Variants in PLXNB3 observed in about 807,000 individuals in gnomAD.
PLXNB3 encodes plexin-B3.
A neutral mutation model predicts 125.7 loss-of-function variants in PLXNB3; 80 were observed. The ratio of observed to expected loss-of-function variants is 0.64; its 90% CI spans 0.53 to 0.77. The LOEUF (loss-of-function observed/expected upper bound fraction) is 0.77. Ranked by LOEUF, PLXNB3 falls within the 30% of genes least tolerant of loss-of-function variation. The probability of loss-of-function intolerance (pLI) is 0.00; values close to 1 mark genes in which losing one functional copy is unlikely to be tolerated. For missense variants in PLXNB3, 1,836 were observed against 1,729.3 expected (o/e 1.06, Z -1.09); for synonymous variants, 954 against 783.3 (o/e 1.22, Z -3.64).
chrX:153,769,941 T>C lies in PLXNB3; in HGVS notation c.1629+2T>C, dbSNP rs1557060984. 8.3e-7 allele frequency: 1 copy of C among 1,204,892 alleles called. No individual in the cohort carries two copies. Among genetic ancestry groups the C allele is most frequent in the Non-Finnish European group, 1.1e-6 (1 of 892,410 alleles). On this transcript the variant is annotated splice_donor_variant, in intron 7 of 35. Transcript: ENST00000361971. LOFTEE classifies it high-confidence loss of function. ...CACCCCCGCCAGGAGCAGGGCCAGG[T>C]AAGCCGCCCACCACCACTGGGCCCT...
chrX:153,766,681 C>T, intron 2 of PLXNB3, 192 bp from the exon 3 acceptor site: 1 of 742,101 alleles, frequency 1.3e-6, no homozygotes, highest in Non-Finnish European at 1.6e-6. Flanking sequence ...GTCTTTGTCC[C>T]TCCTTATGTC....
At chrX:153,768,875 G>A (rs2091890385) in intron 4 of PLXNB3, 73 bp from the exon 5 acceptor site, 2 of 1,121,271 alleles carry the variant, frequency 1.8e-6, no homozygotes, top group Non-Finnish European at 2.4e-6. Flanking sequence ...GCCCCCACTA[G>A]GAGGAGGGCG....
chrX:153,775,485 C>A lies in PLXNB3; in HGVS notation c.4334+82C>A. The A allele has an allele frequency of 4.4e-6, 5 of 1,147,306 alleles. No individual in the cohort carries two copies. The South Asian group carries it at 7.7e-5, about 18-fold the overall frequency. The allele number at this position is 1,147,306 out of a possible 1,213,427, so 94.6% of individuals were successfully genotyped here. A position where few individuals can be genotyped will look rare whatever the true frequency, so the allele number is the denominator to read the frequency against. ...CATCGCACCCTGGGCGGGCTCTGTC[C>A]AGGGGCGGGTGGGGCCAGGAAGCCC... On this transcript the variant is annotated intron_variant, in intron 25 of 35. Coordinates refer to ENST00000361971, the MANE Select transcript of PLXNB3 (RefSeq NM_005393.3).
At chrX:153,773,173 G>A in intron 17 of PLXNB3, 57 bp from the exon 18 acceptor site, 1 of 1,134,870 alleles carries the variant, frequency 8.8e-7, no homozygotes, top group Admixed American at 2.6e-5. Context: ...GTTGGGCCAG[G>A]GCTGGGGTAG....
rs2091967322 is a variant in PLXNB3 at position 153,774,662 on chromosome X, TGCTGGCCCCGGCCCTGGCTGATGAA to T, written c.3831-32_3831-8del. 3.5e-6 allele frequency: 4 copies of T among 1,148,950 alleles called. No individual in the cohort carries two copies. Among genetic ancestry groups the T allele is most frequent in the South Asian group, 2.1e-5 (1 of 48,077 alleles). The allele number at this position is 1,148,950 out of a possible 1,213,427, so 94.7% of individuals were successfully genotyped here. On this transcript the variant is annotated intron_variant, in intron 22 of 35. Coordinates refer to ENST00000361971, the MANE Select transcript of PLXNB3 (RefSeq NM_005393.3). The stretch of plus-strand genomic sequence containing the variant: ...CTGGCCTGGCCCCGGCCCTGGCTGA[TGCTGGCCCCGGCCCTGGCTGATGAA>T]GCTGGCCCCGGGCTGCAGGCACAAG...
At chrX:153,771,233 G>C (rs947842946) in intron 12 of PLXNB3, 77 bp from the exon 13 acceptor site, 2 of 955,053 alleles carry the variant, frequency 2.1e-6, no homozygotes, top group East Asian at 3.1e-5. Flanking sequence ...CATTCATTCT[G>C]GGGGGTGGCC....
chrX:153,773,062 G>C (rs781823810), intron 17 of PLXNB3, 46 bp downstream of exon 17: 3 of 1,120,157 alleles, frequency 2.7e-6, no homozygotes, highest in East Asian at 6.1e-5. Context: ...ACTCCCATAG[G>C]CCTCAGTGGG....
rs2091882772 is a variant in PLXNB3, at chrX:153,768,313, C to A, written c.1151C>A (p.Pro384His). The change falls in exon 4 of 36, where the codon CCC (proline) becomes CAC (histidine). Residue 384 changes from proline (P) to histidine (H), a missense_variant. Physicochemically the swap from Pro to His is moderately conservative, Grantham distance 77 (BLOSUM62 -2). Transcript: ENST00000361971. The stretch of plus-strand genomic sequence containing the variant: ...CCCAGCCCCATTGCTGGCCGCCAGC[C>A]CCTGGAGGTCCAGCCTCTGCTGAAG... Reference protein sequence around the residue: ...HTPSPIAGRQPLEVQPLLKLG... With the variant: ...HTPSPIAGRQHLEVQPLLKLG... The A allele has an allele frequency of 9.1e-6, 11 of 1,208,631 alleles. No homozygotes were observed. Among genetic ancestry groups the A allele is most frequent in the Non-Finnish European group, 1.1e-5 (10 of 893,231 alleles).
At position 153,778,305 on chromosome X, in the gene PLXNB3, C is replaced by T; in HGVS notation, c.5454C>T (p.Arg1818=). ...NKLLYAREIP[R]YKQMVERYYA... ...TGCTCTACGCCCGGGAGATCCCACG[C>T]TACAAGCAGATGGTGGAGAGGTGGG... Residue 1818 remains arginine (R), a synonymous_variant, in exon 33 of 36, where the codon CGC becomes CGT. Transcript: ENST00000361971. 8.3e-7 allele frequency: 1 copy of T among 1,203,631 alleles called. No individual in the cohort carries two copies. Among genetic ancestry groups the T allele is most frequent in the Non-Finnish European group, 1.1e-6 (1 of 890,016 alleles).
In PLXNB3 at chrX:153,767,762, C is replaced by T. The variant is rs202085462; in HGVS notation, c.935C>T (p.Ala312Val). ...GCCGCGGGCCCAAGGGGCACCCAGGCGGCGCTCTGTGCCTTCCCCATGGTG... is the reference window on the plus strand; with the variant it reads ...GCCGCGGGCCCAAGGGGCACCCAGGTGGCGCTCTGTGCCTTCCCCATGGTG... Reference protein sequence around the residue: ...VFAAGPRGTQAALCAFPMVEL... With the variant: ...VFAAGPRGTQVALCAFPMVEL... Residue 312 changes from alanine (A) to valine (V), a missense_variant, in exon 3 of 36, where the codon GCG (alanine) becomes GTG (valine). Transcript: ENST00000361971. The T allele has an allele frequency of 8.9e-5, 104 of 1,171,239 alleles. No individual in the cohort carries two copies. The East Asian group carries it at 1.7e-3, about 19-fold the overall frequency.
At chrX:153,778,183 T>C in intron 32 of PLXNB3, 78 bp from the exon 33 acceptor site, 1 of 1,196,361 alleles carries the variant, frequency 8.4e-7, no homozygotes. Context: ...CACAGAGCTC[T>C]GGGTGGGCAG....
rs376014203 is a variant in PLXNB3 at position 153,769,007 on chromosome X, C to G, written c.1326C>G (p.Gly442=). 2.0e-5 allele frequency: 24 copies of G among 1,209,948 alleles called. No individual in the cohort carries two copies. Among genetic ancestry groups the G allele is most frequent in the Non-Finnish European group, 2.7e-5 (24 of 894,451 alleles). ...ACTCCCAGCAAGTGGGGCCTCCAGG[C>G]TCAGCCATCAGCCCAGACCTGCTGC... ...VYHSQQVGPP[G]SAISPDLLLD... Residue 442 remains glycine, a synonymous_variant, in exon 5 of 36, where the codon GGC becomes GGG. Transcript: ENST00000361971.
At position 153,774,272 on chromosome X, in the gene PLXNB3, C is replaced by G; in HGVS notation, c.3606C>G (p.Arg1202=). Residue 1202 remains arginine, a synonymous_variant, in exon 21 of 36, where the codon CGC becomes CGG. Coordinates refer to ENST00000361971, the MANE Select transcript of PLXNB3 (RefSeq NM_005393.3). The stretch of plus-strand genomic sequence containing the variant: ...AGTGCCTGGTGAAGACGCTCACGCG[C>G]ACCCACCTGTACTGCGAGCCGCCTG... ...RGECLVKTLT[R]THLYCEPPAH... The G allele has an allele frequency of 8.5e-7, 1 of 1,178,611 alleles. No individual in the cohort carries two copies. The highest frequency in any genetic ancestry group is 1.1e-6 in the Non-Finnish European group (1 of 883,340).
In PLXNB3 at chrX:153,770,904, G is replaced by A. The variant is rs782456983; in HGVS notation, c.2136+21G>A. 1.4e-5 allele frequency: 17 copies of A among 1,201,783 alleles called. No individual in the cohort carries two copies. The Middle Eastern group carries it at 7.0e-4, about 50-fold the overall frequency. On this transcript the variant is annotated intron_variant, in intron 11 of 35. Transcript: ENST00000361971. ...TCCGAGTGAGCCATCAGGAGGGAAG[G>A]GGACAGGGCAGTGAGGTCTGCCAAC...
At chrX:153,771,450 C>T (rs113595852) in intron 13 of PLXNB3, 36 bp from the exon 14 acceptor site, 1 of 1,208,536 alleles carries the variant, frequency 8.3e-7, no homozygotes, top group African/African-American at 1.7e-5. Context: ...GGGTGGCAGA[C>T]AGGAGGCGCT....
chrX:153,773,405 G>T lies in PLXNB3; in HGVS notation c.3082G>T (p.Gly1028Trp). The T allele has an allele frequency of 8.3e-7, 1 of 1,201,596 alleles. No individual in the cohort carries two copies. The highest frequency in any genetic ancestry group is 1.1e-6 in the Non-Finnish European group (1 of 890,311). The change falls in exon 18 of 36, where the codon GGG becomes TGG. Residue 1028 changes from glycine to tryptophan, a missense_variant and splice_region_variant. Transcript: ENST00000361971. The part of the protein sequence containing the change: ...VAAEPSASFR[G>W]GGRLIRVRGT... ...GGCGGAGCCCAGTGCCAGCTTCCGGGGGTGAGGGTCAGCCCGCAGGCCAGC... is the reference window on the plus strand; with the variant it reads ...GGCGGAGCCCAGTGCCAGCTTCCGGTGGTGAGGGTCAGCCCGCAGGCCAGC...
At position 153,770,537 on chromosome X, in the gene PLXNB3, T is replaced by C. The variant is rs782610913; in HGVS notation, c.1905T>C (p.Ala635=). 94 of 1,210,179 alleles carry C rather than the reference T, an allele frequency of 7.8e-5. No homozygotes were observed. The highest frequency in any genetic ancestry group is 2.3e-4 in the Middle Eastern group (1 of 4,367). The change falls in exon 10 of 36, where the codon GCT becomes GCC. Residue 635 remains alanine, a synonymous_variant. Transcript: ENST00000361971. The part of the protein sequence containing the change: ...QALEAAAPCR[A]CVGSIWRCHW... ...CACCCTGCCCCTCTAGGTGTCGCGCTTGCGTGGGCAGCATCTGGCGGTGTC... is the reference window on the plus strand; with the variant it reads ...CACCCTGCCCCTCTAGGTGTCGCGCCTGCGTGGGCAGCATCTGGCGGTGTC...
chrX:153,774,292 C>T lies in PLXNB3; in HGVS notation c.3626C>T (p.Pro1209Leu), dbSNP rs782475713. 46 of 1,164,089 alleles carry T rather than the reference C, an allele frequency of 4.0e-5. No individual in the cohort carries two copies. The African/African-American group carries it at 6.4e-4, about 16-fold the overall frequency. ...TLTRTHLYCEPPAHAPQPANG... is the reference protein window; with the variant it reads ...TLTRTHLYCELPAHAPQPANG... ...ACGCGCACCCACCTGTACTGCGAGC[C>T]GCCTGCGCACGCCCCGCAGCCTGCC... The change falls in exon 21 of 36, where the codon CCG becomes CTG. Residue 1209 changes from proline (P) to leucine (L), a missense_variant. Physicochemically the swap from Pro to Leu is moderately conservative, Grantham distance 98. Coordinates refer to ENST00000361971, the MANE Select transcript of PLXNB3 (RefSeq NM_005393.3).
chrX:153,778,134 G>A (rs1557065151), intron 32 of PLXNB3, 39 bp downstream of exon 32: 2 of 1,209,898 alleles, frequency 1.7e-6, no homozygotes, highest in Non-Finnish European at 2.2e-6. Context: ...GCAGGGGCTT[G>A]AGGAGGAAAG....
Sources: gnomAD v4.1 joint callset for allele counts on GRCh38, gnomAD v4.1.1 for gene constraint, MANE v1.5 for transcripts, NCBI Gene and HGNC (gene_info 2026-07-23, HGNC 2026-07-21) for gene names.